SSX2IP: variants seen among roughly 807,000 people sequenced by gnomAD.
SSX2IP encodes SSX family member 2 interacting protein.
In SSX2IP, 55 loss-of-function variants were observed where a neutral mutation model predicts 84.9. The observed-to-expected ratio is 0.65, with a 90% CI of 0.52 to 0.81. The LOEUF is 0.81. Ranked by LOEUF, SSX2IP falls within the 30% of genes least tolerant of loss-of-function variation. SSX2IP has a pLI of 0.00. For synonymous variants in SSX2IP, 239 were observed against 234.7 expected (o/e 1.02, Z -0.17); for missense variants, 664 against 705.2 (o/e 0.94, Z 0.66).
chr1:84,669,641 A>T, intron 4 of SSX2IP, 40 bp downstream of exon 4: 1 of 1,481,622 alleles, frequency 6.7e-7, no homozygotes, highest in Non-Finnish European at 9.4e-7. Flanking sequence ...GTACTCAATT[A>T]TATAATTATG....
chr1:84,666,170 T>C lies in SSX2IP; in HGVS notation c.489A>G (p.Gln163=). 2 of 1,612,958 alleles carry C rather than the reference T, an allele frequency of 1.2e-6. No homozygotes were observed. The highest frequency in any genetic ancestry group is 1.1e-5 in the South Asian group (1 of 90,920). The change falls in exon 5 of 14, where the codon CAA becomes CAG. Residue 163 remains glutamine (Q), a synonymous_variant. Transcript: ENST00000342203. The part of the protein sequence containing the change: ...IGLQERDRQL[Q]CKNRNLHQLL... ...GCTGATGCAAATTCCTGTTCTTACA[T>C]TGTAACTGTCTGTCTCTTTCCTGAA...
chr1:84,674,292 A>T (rs538068546), intron 1 of SSX2IP, among the ~76,000 whole-genome samples: 1 of 152,048 alleles, frequency 6.6e-6, no homozygotes, highest in Non-Finnish European at 1.5e-5. Flanking sequence ...ATTAATCATC[A>T]TCATCATTAT....
chr1:84,656,057 A>G (rs373143802), intron 10 of SSX2IP, 52 bp from the exon 11 acceptor site: 15 of 1,497,342 alleles, frequency 1.0e-5, no homozygotes, highest in East Asian at 6.8e-5. Flanking sequence ...CGACACTCCA[A>G]CGAGTTGAAA....
At chr1:84,667,691 G>A (rs916663875) in intron 4 of SSX2IP, among the ~76,000 whole-genome samples, 2 of 152,006 alleles carry the variant, frequency 1.3e-5, no homozygotes, top group African/African-American at 2.4e-5. Flanking sequence ...CCCCAACAGA[G>A]ATATTTGTGG....
rs530801221 is a variant in SSX2IP at position 84,679,653 on chromosome 1, A to G, written c.-89-8345T>C. The stretch of plus-strand genomic sequence containing the variant: ...GGTTTCCTCACCTTAAAATGGGGTG[A>G]TGATAATCTACTTCTTAAGGTTGTG... On this transcript the variant is annotated intron_variant, in intron 1 of 13. Coordinates refer to ENST00000342203, the MANE Select transcript of SSX2IP (RefSeq NM_001166293.2). Among the ~76,000 whole-genome samples the G allele has an allele frequency of 3.3e-5, 5 of 152,312 alleles. No individual in the cohort carries two copies. The South Asian group carries it at 1.0e-3, about 32-fold the overall frequency.
At chr1:84,672,582 T>G (rs1444396274) in intron 1 of SSX2IP, among the ~76,000 whole-genome samples, 1 of 152,160 alleles carries the variant, frequency 6.6e-6, no homozygotes, top group African/African-American at 2.4e-5. Context: ...ATCTGTGCAC[T>G]TGACTGTAAG....
chr1:84,659,454 C>G (rs1029270769), intron 8 of SSX2IP, among the ~76,000 whole-genome samples: 14 of 152,174 alleles, frequency 9.2e-5, no homozygotes, highest in Admixed American at 2.6e-4. Context: ...GGAAGCACAG[C>G]TTCTCTTCTG....
chr1:84,673,338 A>G lies in SSX2IP; in HGVS notation c.-89-2030T>C, dbSNP rs552385481. 2.6e-5 allele frequency among the ~76,000 whole-genome samples: 4 copies of G among 152,322 alleles called. No individual in the cohort carries two copies. In the East Asian group the frequency reaches 5.8e-4, roughly 22 times the overall value. ...CAGCCGCAAGAAAATCAATGACCAG[A>G]GCAGCCCAGGTAAAGGAAACAGCAG... is the stretch of plus-strand genomic sequence containing the variant. On this transcript the variant is annotated intron_variant, in intron 1 of 13. Coordinates refer to ENST00000342203, the MANE Select transcript of SSX2IP (RefSeq NM_001166293.2).
chr1:84,670,241 CAA>C lies in SSX2IP; in HGVS notation c.214-350_214-349del, dbSNP rs567889792. ...CTGGGCAACTTAGTAAAAAAAAAAT[CAA>C]AAGATAGAAATCTTTTCTTAGAAAA... On this transcript the variant is annotated intron_variant, in intron 3 of 13. Coordinates refer to ENST00000342203, the MANE Select transcript of SSX2IP (RefSeq NM_001166293.2). 1.6e-3 allele frequency: 278 copies of C among 175,372 alleles called. 3 individuals carry two copies. The highest frequency in any genetic ancestry group is 6.2e-3 in the African/African-American group (262 of 42,244). The allele number at this position is 175,372 out of a possible 1,614,324, so 10.9% of individuals were successfully genotyped here. A position where few individuals can be genotyped will look rare whatever the true frequency, so the allele number is the denominator to read the frequency against.
chr1:84,650,335 G>GT, intron 13 of SSX2IP, 27 bp downstream of exon 13: 1 of 1,613,462 alleles, frequency 6.2e-7, no homozygotes, highest in Admixed American at 1.7e-5. Context: ...TTAGAAACAC[G>GT]TGAAAAGATC....
rs1053842560 is a variant in SSX2IP, at chr1:84,644,777, C to T, written c.*2656G>A. 1.3e-5 allele frequency: 2 copies of T among 152,194 alleles called. No homozygotes were observed. Among genetic ancestry groups the T allele is most frequent in the Non-Finnish European group, 2.9e-5 (2 of 68,036 alleles). The allele number at this position is 152,194 out of a possible 1,614,324, so 9.4% of individuals were successfully genotyped here. A position where few individuals can be genotyped will look rare whatever the true frequency, so the allele number is the denominator to read the frequency against. Reference sequence around the variant, plus strand: ...TATTATCACAAGTCTATGAACAATTCTGGTTAGCTAAGGTAGGCAGTATAG... The same window carrying T: ...TATTATCACAAGTCTATGAACAATTTTGGTTAGCTAAGGTAGGCAGTATAG... On this transcript the variant is annotated 3_prime_UTR_variant, in exon 14 of 14. Transcript: ENST00000342203.
chr1:84,648,445 T>C (rs1649758800), intron 13 of SSX2IP, among the ~76,000 whole-genome samples: 1 of 152,214 alleles, frequency 6.6e-6, no homozygotes, highest in Non-Finnish European at 1.5e-5. Context: ...TTATAGTCTG[T>C]CACTAAATGT....
At chr1:84,668,674 T>G (rs1401637359) in intron 4 of SSX2IP, among the ~76,000 whole-genome samples, 1 of 152,114 alleles carries the variant, frequency 6.6e-6, no homozygotes, top group Non-Finnish European at 1.5e-5. Flanking sequence ...GCACATTTCC[T>G]GCTAGGGGGT....
Position 84,677,737 on chromosome 1 carries a change from G to C in SSX2IP, c.-89-6429C>G, listed in dbSNP as rs76622687. On this transcript the variant is annotated intron_variant, in intron 1 of 13. Coordinates refer to ENST00000342203, the MANE Select transcript of SSX2IP (RefSeq NM_001166293.2). ...TCACGTTGTAAGCAACTCTATGAGAGGTCCGTGTGGCAAGGAACTGACGTC... is the reference window on the plus strand; with the variant it reads ...TCACGTTGTAAGCAACTCTATGAGACGTCCGTGTGGCAAGGAACTGACGTC... Among the ~76,000 whole-genome samples the C allele has an allele frequency of 4.4e-3, 664 of 152,310 alleles. 4 individuals are homozygous for C. The highest frequency in any genetic ancestry group is 5.6e-3 in the Admixed American group (86 of 15,298).
chr1:84,663,549 A>G (rs1037639511), intron 6 of SSX2IP, among the ~76,000 whole-genome samples: 1 of 152,240 alleles, frequency 6.6e-6, no homozygotes, highest in Non-Finnish European at 1.5e-5. Flanking sequence ...TAAAGTATTC[A>G]GATACCTCCA....
upstream of SSX2IP, chr1:84,690,545 G>C (rs972417902): frequency 2.0e-5 from 3 of 151,844 alleles, no homozygotes; most frequent in Non-Finnish European, 2.9e-5. Flanking sequence ...GGTTTCCGAG[G>C]TTCCCACCCC....
intron 1 of SSX2IP, among the ~76,000 whole-genome samples, chr1:84,684,563 T>A (rs1277090120): frequency 6.6e-6 from 1 of 152,164 alleles, no homozygotes; most frequent in Non-Finnish European, 1.5e-5. Flanking sequence ...CAGCTGAATA[T>A]TCATTTATCC....
intron 9 of SSX2IP, among the ~76,000 whole-genome samples, chr1:84,657,650 T>C (rs892328222): frequency 1.3e-5 from 2 of 152,166 alleles, no homozygotes; most frequent in South Asian, 2.1e-4. Flanking sequence ...TTCTGAGATT[T>C]TGGTGCACCC....
chr1:84,647,752 G>GA (rs56138762), intron 13 of SSX2IP, 145 bp from the exon 14 acceptor site: 125,752 of 259,292 alleles, frequency 0.48, 28,706 homozygotes, highest in East Asian at 0.63. Flanking sequence ...ATTTTACTTG[G>GA]AAAAAAAAAA....
Sources: gnomAD v4.1 joint callset for allele counts (sites outside exome capture counted in the v4.1 genomes callset) on GRCh38, gnomAD v4.1.1 for gene constraint, MANE v1.5 for transcripts, NCBI Gene and HGNC (gene_info 2026-07-23, HGNC 2026-07-21) for gene names.